Variants in SNX22 observed in about 807,000 individuals in gnomAD.
SNX22 encodes the protein sorting nexin 22, also known as sorting nexin-22.
A neutral mutation model predicts 24.7 loss-of-function variants in SNX22; 23 were observed. That is an observed-to-expected ratio of 0.93 (90% confidence interval 0.67 to 1.32). The LOEUF is 1.32. SNX22 is among the 40% of genes most tolerant of loss of function. The pLI is 0.00. For synonymous variants in SNX22, 99 were observed against 104.0 expected, an observed-to-expected ratio of 0.95 and a Z score of 0.29; for missense variants, 261 against 249.9, an observed-to-expected ratio of 1.04 and a Z score of -0.30.
intron 1 of SNX22, 173 bp downstream of exon 1, chr15:64,152,023 C>T: frequency 1.3e-6 from 1 of 793,724 alleles, no homozygotes; most frequent in Non-Finnish European, 1.9e-6. Context: ...CCTCGCGGAC[C>T]ATGGTTCGAG....
Position 64,152,339 on chromosome 15 carries a change from C to T in SNX22, c.159+13C>T. On this transcript the variant is annotated intron_variant, in intron 2 of 6. Transcript: ENST00000325881. ...GCTGCACAAGCGGGTGAGGCGGCGC[C>T]GACCTCCCACCGGCCCCGGCCCAGC... 6.6e-7 allele frequency: 1 copy of T among 1,506,508 alleles called. No individual in the cohort carries two copies. The allele number at this position is 1,506,508 out of a possible 1,614,324, so 93.3% of individuals were successfully genotyped here.
rs375014503 is a variant in SNX22 at position 64,153,221 on chromosome 15, G to A, written c.265-24G>A. The A allele has an allele frequency of 1.9e-6, 3 of 1,613,578 alleles. No homozygotes were observed. The African/African-American group carries it at 4.0e-5, about 22-fold the overall frequency. On this transcript the variant is annotated intron_variant, in intron 3 of 6. Transcript: ENST00000325881. ...TGCAAATTAGTAGCTGGGTCTGATT[G>A]CAGGTCTCCTCTGTCCTCTCCAGGG...
chr15:64,152,678 G>A lies in SNX22; in HGVS notation c.200G>A (p.Arg67His). The change falls in exon 3 of 7, where the codon CGC becomes CAC. Residue 67 changes from arginine to histidine, a missense_variant. By Grantham distance (29) the Arg-to-His change is conservative. Transcript: ENST00000325881. ...LYKVPDFPSK[R>H]LPNWRTRGLE... ...AAAGTGCCCGACTTCCCCTCGAAAC[G>A]CCTGCCCAACTGGAGGACCAGAGGG... The A allele has an allele frequency of 6.2e-7, 1 of 1,614,178 alleles. No individual in the cohort carries two copies.
In SNX22 at chr15:64,156,005, G is replaced by A. The variant is rs1481699837; in HGVS notation, c.*1497G>A. On this transcript the variant is annotated 3_prime_UTR_variant, in exon 7 of 7. Transcript: ENST00000325881. The surrounding 1 kb of genome is among the most constrained non-coding windows in gnomAD (Gnocchi z 6.4). ...GGGCCTGCACAGACGGTCACTCAAA[G>A]AAAGATGTCCCTGTGCCCTACTCCT... The A allele has an allele frequency of 6.2e-7, 1 of 1,613,986 alleles. No individual in the cohort carries two copies. The highest frequency in any genetic ancestry group is 8.5e-7 in the Non-Finnish European group (1 of 1,180,010).
rs2081538239 is a variant in SNX22 at position 64,157,018 on chromosome 15, T to A, written c.*2510T>A. ...ACCTGTCCTCTGTGCCAGGCTAGGC[T>A]GGAGTGGACTACAAGGACATAAAAG... On this transcript the variant is annotated 3_prime_UTR_variant, in exon 7 of 7. Transcript: ENST00000325881. The surrounding 1 kb of genome is among the most constrained non-coding windows in gnomAD (Gnocchi z 4.2). 1.7e-6 allele frequency: 2 copies of A among 1,167,280 alleles called. No individual in the cohort carries two copies. Among genetic ancestry groups the A allele is most frequent in the Admixed American group, 4.3e-5 (2 of 46,702 alleles). 72.3% of individuals were successfully genotyped at this position (1,167,280 alleles called of 1,614,324 possible).
At position 64,156,638 on chromosome 15, in the gene SNX22, G is replaced by T; in HGVS notation, c.*2130G>T. 6.6e-7 allele frequency: 1 copy of T among 1,520,056 alleles called. No individual in the cohort carries two copies. Among genetic ancestry groups the T allele is most frequent in the Non-Finnish European group, 9.1e-7 (1 of 1,094,870 alleles). 94.2% of individuals were successfully genotyped at this position (1,520,056 alleles called of 1,614,324 possible). On this transcript the variant is annotated 3_prime_UTR_variant, in exon 7 of 7. Transcript: ENST00000325881. This position sits in a 1 kb window ranked among gnomAD's most constrained non-coding sequence, Gnocchi z 6.4. ...GTGGGTTGGGTCCTTTTGGGAAAGG[G>T]ATGGACACATGGAGCTCCTGCCCTG...
rs570380255 is a variant in SNX22, at chr15:64,156,360, G to C, written c.*1852G>C. 7.1e-6 allele frequency: 5 copies of C among 704,644 alleles called. No homozygotes were observed. Among genetic ancestry groups the C allele is most frequent in the Admixed American group, 4.4e-5 (2 of 45,114 alleles). The allele number at this position is 704,644 out of a possible 1,614,324, so 43.6% of individuals were successfully genotyped here. A position where few individuals can be genotyped will look rare whatever the true frequency, so the allele number is the denominator to read the frequency against. On this transcript the variant is annotated 3_prime_UTR_variant, in exon 7 of 7. Transcript: ENST00000325881. This position sits in a 1 kb window ranked among gnomAD's most constrained non-coding sequence, Gnocchi z 6.4. ...CAGGAATTTTGTTCCTTTGAAGTAA[G>C]ACCCAGGTTGGGCCAAGGGTGAGGA...
At chr15:64,154,049 T>C (rs770989177) in intron 6 of SNX22, 47 bp downstream of exon 6, 3 of 1,613,982 alleles carry the variant, frequency 1.9e-6, no homozygotes, top group South Asian at 2.2e-5. Flanking sequence ...GTTGTGGGCT[T>C]TGCATTTCTC....
At position 64,156,026 on chromosome 15, in the gene SNX22, C is replaced by T. The variant is rs2081527698; in HGVS notation, c.*1518C>T. On this transcript the variant is annotated 3_prime_UTR_variant, in exon 7 of 7. Coordinates refer to ENST00000325881, the MANE Select transcript of SNX22 (RefSeq NM_024798.3). This position sits in a 1 kb window ranked among gnomAD's most constrained non-coding sequence, Gnocchi z 6.4. The stretch of plus-strand genomic sequence containing the variant: ...CAAAGAAAGATGTCCCTGTGCCCTA[C>T]TCCTTGGCGATGGCAAAGGGCTTCT... 1 of 1,614,170 alleles carries T rather than the reference C, an allele frequency of 6.2e-7. No individual in the cohort carries two copies. Among genetic ancestry groups the T allele is most frequent in the Non-Finnish European group, 8.5e-7 (1 of 1,180,022 alleles).
intron 1 of SNX22, 111 bp from the exon 2 acceptor site, chr15:64,152,132 G>T: frequency 8.9e-7 from 1 of 1,125,608 alleles, no homozygotes; most frequent in Non-Finnish European, 1.2e-6. Context: ...GCGCCGCAAG[G>T]CCGCTTTGTG....
rs1467998336 is a variant in SNX22 at position 64,156,014 on chromosome 15, C to G, written c.*1506C>G. 2.5e-6 allele frequency: 4 copies of G among 1,614,060 alleles called. No homozygotes were observed. The African/African-American group carries it at 5.3e-5, about 22-fold the overall frequency. ...CAGACGGTCACTCAAAGAAAGATGT[C>G]CCTGTGCCCTACTCCTTGGCGATGG... On this transcript the variant is annotated 3_prime_UTR_variant, in exon 7 of 7. Transcript: ENST00000325881. This position sits in a 1 kb window ranked among gnomAD's most constrained non-coding sequence, Gnocchi z 6.4.
Position 64,153,984 on chromosome 15 carries a change from G to A in SNX22, c.442G>A (p.Val148Ile). ...PVLSFHVDPY[V>I]CNPSPESLPN... Reference sequence around the variant, plus strand: ...CCTGAGCTTCCATGTGGATCCCTATGTTTGCAACCCCTCCCCAGGTGAGGA... The same window carrying A: ...CCTGAGCTTCCATGTGGATCCCTATATTTGCAACCCCTCCCCAGGTGAGGA... Residue 148 changes from valine to isoleucine, a missense_variant, in exon 6 of 7, where the codon GTT (valine) becomes ATT (isoleucine). Transcript: ENST00000325881. 6.2e-7 allele frequency: 1 copy of A among 1,614,042 alleles called. No individual in the cohort carries two copies. Among genetic ancestry groups the A allele is most frequent in the Non-Finnish European group, 8.5e-7 (1 of 1,180,000 alleles).
At chr15:64,153,753 C>T in intron 5 of SNX22, 69 bp downstream of exon 5, 7 of 1,608,132 alleles carry the variant, frequency 4.4e-6, no homozygotes, top group Non-Finnish European at 3.4e-6. Flanking sequence ...GGAGGCAGGC[C>T]TGCTGCCTGG....
At position 64,154,719 on chromosome 15, in the gene SNX22, G is replaced by A; in HGVS notation, c.*211G>A. On this transcript the variant is annotated 3_prime_UTR_variant, in exon 7 of 7. Coordinates refer to ENST00000325881, the MANE Select transcript of SNX22 (RefSeq NM_024798.3). ...TATGCTCTTAGAGCCCAACAGCCAA[G>A]GCAGGGTCAAGAAGATAAGTAATAA... 3.7e-6 allele frequency: 2 copies of A among 542,838 alleles called. No individual in the cohort carries two copies. Among genetic ancestry groups the A allele is most frequent in the Non-Finnish European group, 6.3e-6 (2 of 316,826 alleles). 33.6% of individuals were successfully genotyped at this position (542,838 alleles called of 1,614,324 possible). A position where few individuals can be genotyped will look rare whatever the true frequency, so the allele number is the denominator to read the frequency against.
At chr15:64,153,853 T>C (rs1210735765) in intron 5 of SNX22, 82 bp from the exon 6 acceptor site, 1 of 1,592,002 alleles carries the variant, frequency 6.3e-7, no homozygotes, top group Non-Finnish European at 8.6e-7. Context: ...GGGTCCCTGG[T>C]GATGGCAACC....
In SNX22 at chr15:64,153,933, A is replaced by G; in HGVS notation, c.393-2A>G. On this transcript the variant is annotated splice_acceptor_variant, in intron 5 of 6. Coordinates refer to ENST00000325881, the MANE Select transcript of SNX22 (RefSeq NM_024798.3). LOFTEE classifies it high-confidence loss of function. Reference sequence around the variant, plus strand: ...ATGGTTCATGACCCTGTTTCCTCCCAGCTCCCAGCAGCACCAGCGGCCTGT... The same window carrying G: ...ATGGTTCATGACCCTGTTTCCTCCCGGCTCCCAGCAGCACCAGCGGCCTGT... The G allele has an allele frequency of 6.2e-7, 1 of 1,611,300 alleles. No individual in the cohort carries two copies. The highest frequency in any genetic ancestry group is 8.5e-7 in the Non-Finnish European group (1 of 1,178,702).
intron 6 of SNX22, 21 bp from the exon 7 acceptor site, chr15:64,154,366 C>CTGTT (rs1273427596): frequency 6.2e-7 from 1 of 1,613,874 alleles, no homozygotes; most frequent in African/African-American, 1.3e-5. Context: ...GAGGCCAGAC[C>CTGTT]TGTTTAATTC....
At position 64,154,696 on chromosome 15, in the gene SNX22, T is replaced by C; in HGVS notation, c.*188T>C. The C allele has an allele frequency of 1.4e-6, 1 of 703,126 alleles. No individual in the cohort carries two copies. 43.6% of individuals were successfully genotyped at this position (703,126 alleles called of 1,614,324 possible). ...GTAGCTGGAGGTGGTAGAATTTGTA[T>C]GCTCTTAGAGCCCAACAGCCAAGGC... On this transcript the variant is annotated 3_prime_UTR_variant, in exon 7 of 7. Coordinates refer to ENST00000325881, the MANE Select transcript of SNX22 (RefSeq NM_024798.3).
At chr15:64,152,471 T>A in intron 2 of SNX22, 145 bp downstream of exon 2, 1 of 1,221,194 alleles carries the variant, frequency 8.2e-7, no homozygotes. Flanking sequence ...CCCCCGGGCC[T>A]CTGTGGGTGG....
Sources: allele counts gnomAD v4.1 joint callset, GRCh38; gene constraint gnomAD v4.1.1; non-coding constraint Gnocchi (gnomAD v3.1); transcripts MANE v1.5; gene names NCBI Gene and HGNC (gene_info 2026-07-23, HGNC 2026-07-21).